The following ABCC11 variants were observed in gnomAD, a reference collection of about 807,000 sequenced individuals.
ABCC11 encodes the protein ATP-binding cassette sub-family C member 11.
In ABCC11, 135 loss-of-function variants were observed where a neutral mutation model predicts 149.3. That is an observed-to-expected ratio of 0.90 (90% CI 0.79 to 1.04). The LOEUF is 1.04. ABCC11 is among the 50% of genes least tolerant of loss of function. The pLI is 0.00. For missense variants in ABCC11, 1,680 were observed against 1,722.1 expected (o/e 0.98, Z 0.43); for synonymous variants, 665 against 671.4 (o/e 0.99, Z 0.15).
chr16:48,166,823 C>T lies in ABCC11; in HGVS notation c.*451G>A, dbSNP rs1164591689. 1 of 154,872 alleles carries T rather than the reference C, an allele frequency of 6.5e-6. No individual in the cohort carries two copies. The highest frequency in any genetic ancestry group is 1.4e-5 in the Non-Finnish European group (1 of 69,770). 9.6% of individuals were successfully genotyped at this position (154,872 alleles called of 1,614,324 possible). ...GAGGCTACAGTGAGCTGAGATTGCG[C>T]CACTGCGCTCCAGCCTGGGCAACAG... On this transcript the variant is annotated 3_prime_UTR_variant, in exon 30 of 30. Transcript: ENST00000356608.
At position 48,208,095 on chromosome 16, in the gene ABCC11, T is replaced by C. The variant is rs375579628; in HGVS notation, c.1680+330A>G. On this transcript the variant is annotated intron_variant, in intron 12 of 29. Transcript: ENST00000356608. ...GGGTATTGCAGTGTGGAAGAGAGAC[T>C]AGACTCAACTCTCTGTGAAATAATT... Among the ~76,000 whole-genome samples, 5 of 152,240 alleles carry C rather than the reference T, an allele frequency of 3.3e-5. No homozygotes were observed. In the East Asian group the frequency reaches 5.8e-4, roughly 18 times the overall value.
At chr16:48,243,061 AT>A (rs1469522573) in intron 1 of ABCC11, among the ~76,000 whole-genome samples, 4 of 149,848 alleles carry the variant, frequency 2.7e-5, no homozygotes, top group Non-Finnish European at 5.9e-5. Flanking sequence ...AAAAAATAAA[AT>A]TAAATTAAAA....
chr16:48,219,248 C>T (rs1162916208), intron 6 of ABCC11, among the ~76,000 whole-genome samples: 1 of 150,016 alleles, frequency 6.7e-6, no homozygotes, highest in East Asian at 2.0e-4. Flanking sequence ...CAGCTCACTG[C>T]AACCTATGCC....
chr16:48,200,615 A>G (rs1172154246), intron 14 of ABCC11, 136 bp from the exon 15 acceptor site: 10 of 907,476 alleles, frequency 1.1e-5, no homozygotes, highest in Non-Finnish European at 1.4e-5. Flanking sequence ...ATACCTGATA[A>G]TTTGGCATTC....
At position 48,205,498 on chromosome 16, in the gene ABCC11, G is replaced by C; in HGVS notation, c.1720C>G (p.Leu574Val). The change falls in exon 13 of 30, where the codon CTG becomes GTG. Residue 574 changes from leucine (L) to valine (V), a missense_variant. Coordinates refer to ENST00000356608, the MANE Select transcript of ABCC11 (RefSeq NM_001370497.1). Reference protein sequence around the residue: ...LEGSVGVQGSLAYVPQQAWIV... With the variant: ...LEGSVGVQGSVAYVPQQAWIV... ...CAGGCCTGCTGGGGGACATAGGCCA[G>C]GCTTCCCTGCACCCCCACCGAGCCC... 6.2e-7 allele frequency: 1 copy of C among 1,614,122 alleles called. No individual in the cohort carries two copies. The highest frequency in any genetic ancestry group is 8.5e-7 in the Non-Finnish European group (1 of 1,180,032).
chr16:48,178,313 A>T (rs969698241), intron 24 of ABCC11, among the ~76,000 whole-genome samples: 2 of 152,152 alleles, frequency 1.3e-5, no homozygotes, highest in African/African-American at 4.8e-5. Context: ...TGTTGTCATC[A>T]TTATTATTGC....
rs970744998 is a variant in ABCC11 at position 48,199,558 on chromosome 16, C to T, written c.2082+718G>A. Among the ~76,000 whole-genome samples the T allele has an allele frequency of 3.9e-5, 6 of 152,052 alleles. No individual in the cohort carries two copies. The East Asian group carries it at 5.8e-4, about 15-fold the overall frequency. ...ACCACCAGAAGCAGTCATTGCACTG[C>T]GGTCATCATCGGTAAGAAAACACAC... On this transcript the variant is annotated intron_variant, in intron 15 of 29. Coordinates refer to ENST00000356608, the MANE Select transcript of ABCC11 (RefSeq NM_001370497.1).
intron 14 of ABCC11, among the ~76,000 whole-genome samples, chr16:48,200,683 G>A (rs745678851): frequency 9.2e-5 from 14 of 152,200 alleles, no homozygotes; most frequent in African/African-American, 1.2e-4. Context: ...AGCTGATCTC[G>A]TGGAGGTAGA....
intron 23 of ABCC11, among the ~76,000 whole-genome samples, chr16:48,183,602 A>T: frequency 6.6e-6 from 1 of 152,210 alleles, no homozygotes; most frequent in East Asian, 1.9e-4. Context: ...TGTCTAACCA[A>T]AAATACAAAA....
rs151248134 is a variant in ABCC11 at position 48,205,678 on chromosome 16, C to T, written c.1681-141G>A. 4,309 of 1,105,024 alleles carry T rather than the reference C, an allele frequency of 3.9e-3. 142 individuals are homozygous for T. In the African/African-American group the frequency reaches 0.063, roughly 16 times the overall value. 68.5% of individuals were successfully genotyped at this position (1,105,024 alleles called of 1,614,324 possible). ...TAGGTAAAAGGGACTTTTAATGTGGCCCTACCAGGCCCACCAGCGAGTTCC... is the reference window on the plus strand; with the variant it reads ...TAGGTAAAAGGGACTTTTAATGTGGTCCTACCAGGCCCACCAGCGAGTTCC... On this transcript the variant is annotated intron_variant, in intron 12 of 29. Transcript: ENST00000356608.
chr16:48,245,532 A>C (rs181338696), intron 1 of ABCC11, among the ~76,000 whole-genome samples: 1 of 152,154 alleles, frequency 6.6e-6, no homozygotes, highest in African/African-American at 2.4e-5. Context: ...AATTGAGATG[A>C]TAGAATTGCC....
intron 4 of ABCC11, among the ~76,000 whole-genome samples, chr16:48,226,557 G>C (rs968519392): frequency 6.6e-6 from 1 of 152,100 alleles, no homozygotes; most frequent in African/African-American, 2.4e-5. Context: ...GATTACAGGC[G>C]TGAGCCACTG....
intron 11 of ABCC11, chr16:48,210,611 G>C (rs1430228336): frequency 1.8e-5 from 5 of 276,064 alleles, no homozygotes; most frequent in African/African-American, 1.1e-4. Context: ...ACACAGGATA[G>C]TGCTTGGCAC....
chr16:48,245,532 A>G (rs181338696), intron 1 of ABCC11, among the ~76,000 whole-genome samples: 1 of 152,272 alleles, frequency 6.6e-6, no homozygotes, highest in East Asian at 1.9e-4. Context: ...AATTGAGATG[A>G]TAGAATTGCC....
intron 1 of ABCC11, among the ~76,000 whole-genome samples, chr16:48,234,406 A>G (rs1368430795): frequency 6.6e-6 from 1 of 152,152 alleles, no homozygotes; most frequent in Non-Finnish European, 1.5e-5. Context: ...TTTAGCAGCT[A>G]TGCTCTCAAA....
At chr16:48,227,670 T>G (rs1970161071) in intron 4 of ABCC11, 136 bp downstream of exon 4, 1 of 1,102,642 alleles carries the variant, frequency 9.1e-7, no homozygotes, top group Non-Finnish European at 1.4e-6. Flanking sequence ...CCTCACCTAG[T>G]ATGAGGCCTC....
intron 5 of ABCC11, among the ~76,000 whole-genome samples, chr16:48,223,927 G>A (rs1291854595): frequency 6.6e-6 from 1 of 152,102 alleles, no homozygotes; most frequent in Non-Finnish European, 1.5e-5. Flanking sequence ...TACCCTATGA[G>A]GCAGCTCTCC....
At chr16:48,196,174 C>T (rs2150801077) in intron 18 of ABCC11, 58 bp downstream of exon 18, 1 of 1,565,946 alleles carries the variant, frequency 6.4e-7, no homozygotes, top group South Asian at 1.1e-5. Context: ...CAATCTGACC[C>T]AGTTCCAGGG....
intron 1 of ABCC11, among the ~76,000 whole-genome samples, chr16:48,242,470 T>C (rs2150943282): frequency 6.6e-6 from 1 of 152,270 alleles, no homozygotes; most frequent in Non-Finnish European, 1.5e-5. Flanking sequence ...AGTTCAACCA[T>C]TGTGGAAGAC....
Sources: allele counts gnomAD v4.1 joint callset (sites outside exome capture counted in the v4.1 genomes callset), GRCh38; gene constraint gnomAD v4.1.1; transcripts MANE v1.5; gene names NCBI Gene and HGNC (gene_info 2026-07-23, HGNC 2026-07-21).